Variants in OR2G6 observed in about 807,000 individuals in gnomAD.
The protein encoded by OR2G6 is olfactory receptor 2G6.
For synonymous variants in OR2G6, 183 were observed against 155.2 expected, an observed-to-expected ratio of 1.18 and a Z score of -1.33; for missense variants, 457 against 391.3, an observed-to-expected ratio of 1.17 and a Z score of -1.42.
intron 1 of OR2G6, among the ~76,000 whole-genome samples, chr1:248,519,514 G>A (rs1407892400): frequency 6.6e-6 from 1 of 151,896 alleles, no homozygotes; most frequent in Non-Finnish European, 1.5e-5. Context: ...TTTATAAGAT[G>A]TAAGGAAGAA....
chr1:248,519,551 C>G (rs996246058), intron 1 of OR2G6, among the ~76,000 whole-genome samples: 1 of 152,006 alleles, frequency 6.6e-6, no homozygotes, highest in African/African-American at 2.4e-5. Flanking sequence ...CTGCATATGG[C>G]TAGCCAGTTT....
At chr1:248,520,388 G>T (rs1424297833) in intron 1 of OR2G6, among the ~76,000 whole-genome samples, 4 of 151,986 alleles carry the variant, frequency 2.6e-5, no homozygotes, top group African/African-American at 9.7e-5. Context: ...TAACGTGCAC[G>T]TTCTGCACAT....
In OR2G6 at chr1:248,525,478, A is replaced by G. The variant is rs943156363; in HGVS notation, c.*2881A>G. 1.3e-5 allele frequency: 2 copies of G among 151,762 alleles called. No homozygotes were observed. Among genetic ancestry groups the G allele is most frequent in the Non-Finnish European group, 2.9e-5 (2 of 68,024 alleles). The allele number at this position is 151,762 out of a possible 1,614,324, so 9.4% of individuals were successfully genotyped here. On this transcript the variant is annotated 3_prime_UTR_variant, in exon 2 of 2. Coordinates refer to ENST00000641804, the MANE Select transcript of OR2G6 (RefSeq NM_001013355.2). ...TTTTAAGAAAAAATAAAATGATTTT[A>G]CATAACAAATATTAATGAATTCATG...
rs1664292901 is a variant in OR2G6, at chr1:248,521,819, C to T, written c.173C>T (p.Pro58Leu). 4 of 1,614,042 alleles carry T rather than the reference C, an allele frequency of 2.5e-6. No individual in the cohort carries two copies. The highest frequency in any genetic ancestry group is 3.4e-6 in the Non-Finnish European group (4 of 1,180,038). ...TGTCTGGACTCCAGACTCCACACTC[C>T]AATGTACTTCTTCCTCAGCAACCTC... ...VCCLDSRLHT[P>L]MYFFLSNLSC... Residue 58 changes from proline to leucine, a missense_variant, in exon 2 of 2, where the codon CCA (proline) becomes CTA (leucine). Physicochemically the swap from Pro to Leu is moderately conservative, Grantham distance 98 (BLOSUM62 -3). Transcript: ENST00000641804.
In OR2G6 at chr1:248,522,462, GT is replaced by G; in HGVS notation, c.819del (p.Phe273LeufsTer8). On this transcript the variant is annotated frameshift_variant, in exon 2 of 2. Coordinates refer to ENST00000641804, the MANE Select transcript of OR2G6 (RefSeq NM_001013355.2). LOFTEE classifies it low-confidence loss of function (END_TRUNC). ...ATAGGAGATCCAAAAACCAGGGAAA[GT>G]TTGTTTCTCTTTTCTATACCATAGT... ...ANRRSKNQGK[F>X]VSLFYTIVTP... 2 of 1,613,680 alleles carry G rather than the reference GT, an allele frequency of 1.2e-6. No individual in the cohort carries two copies. The highest frequency in any genetic ancestry group is 1.1e-5 in the South Asian group (1 of 91,068).
At position 248,522,804 on chromosome 1, in the gene OR2G6, A is replaced by ACCC. The variant is rs200155573; in HGVS notation, c.*207_*208insCCC. ...CCCAAAGCCACAGGGACTAGGAAGC[A>ACCC]TTGGAATTCTAAAGAAGAGAAACAC... On this transcript the variant is annotated 3_prime_UTR_variant, in exon 2 of 2. Coordinates refer to ENST00000641804, the MANE Select transcript of OR2G6 (RefSeq NM_001013355.2). The ACCC allele has an allele frequency of 1.9e-6, 1 of 531,216 alleles. No individual in the cohort carries two copies. The highest frequency in any genetic ancestry group is 1.9e-5 in the African/African-American group (1 of 51,532). The allele number at this position is 531,216 out of a possible 1,614,324, so 32.9% of individuals were successfully genotyped here. A position where few individuals can be genotyped will look rare whatever the true frequency, so the allele number is the denominator to read the frequency against.
In OR2G6 at chr1:248,521,645, A is replaced by G. The variant is rs775413703; in HGVS notation, c.-2A>G. The G allele has an allele frequency of 6.2e-7, 1 of 1,608,928 alleles. No individual in the cohort carries two copies. Among genetic ancestry groups the G allele is most frequent in the Admixed American group, 1.7e-5 (1 of 59,422 alleles). ...CTGAAGAGTCCTGAAGCTGCAGGAA[A>G]AATGGAGGAAACCAACAACAGCTCT... On this transcript the variant is annotated 5_prime_UTR_variant, in exon 2 of 2. Coordinates refer to ENST00000641804, the MANE Select transcript of OR2G6 (RefSeq NM_001013355.2).
intron 1 of OR2G6, among the ~76,000 whole-genome samples, chr1:248,520,835 C>T (rs1278653371): frequency 7.0e-6 from 1 of 143,664 alleles, no homozygotes; most frequent in Non-Finnish European, 1.5e-5. Context: ...ATGGTGAAAC[C>T]CCCATCTCTA....
Position 248,522,883 on chromosome 1 carries a change from A to C in OR2G6, c.*286A>C. The C allele has an allele frequency of 5.7e-6, 2 of 352,104 alleles. No individual in the cohort carries two copies. The highest frequency in any genetic ancestry group is 1.0e-5 in the Non-Finnish European group (2 of 195,542). 21.8% of individuals were successfully genotyped at this position (352,104 alleles called of 1,614,324 possible). A position where few individuals can be genotyped will look rare whatever the true frequency, so the allele number is the denominator to read the frequency against. ...CAGACATTCCTCTTGTCAATCCAAGACCCTGTGTTCTATCTGGAAAAAAAT... is the reference window on the plus strand; with the variant it reads ...CAGACATTCCTCTTGTCAATCCAAGCCCCTGTGTTCTATCTGGAAAAAAAT... On this transcript the variant is annotated 3_prime_UTR_variant, in exon 2 of 2. Transcript: ENST00000641804.
chr1:248,522,058 C>T lies in OR2G6; in HGVS notation c.412C>T (p.Pro138Ser), dbSNP rs1237047288. 6.2e-7 allele frequency: 1 copy of T among 1,614,158 alleles called. No homozygotes were observed. The highest frequency in any genetic ancestry group is 2.2e-5 in the East Asian group (1 of 44,874). Residue 138 changes from proline (P) to serine (S), a missense_variant, in exon 2 of 2, where the codon CCC (proline) becomes TCC (serine). Physicochemically the swap from Pro to Ser is moderately conservative, Grantham distance 74. Transcript: ENST00000641804. ...ACTGCGCTACATAGCCATTATGCACCCCAGGTTCTGTGCGTCTCTGGCCGG... is the reference window on the plus strand; with the variant it reads ...ACTGCGCTACATAGCCATTATGCACTCCAGGTTCTGTGCGTCTCTGGCCGG... ...RPLRYIAIMH[P>S]RFCASLAGGA...
In OR2G6 at chr1:248,523,202, C is replaced by T. The variant is rs1558373111; in HGVS notation, c.*605C>T. 6.6e-6 allele frequency: 1 copy of T among 152,268 alleles called. No homozygotes were observed. The highest frequency in any genetic ancestry group is 1.9e-4 in the East Asian group (1 of 5,184). 9.4% of individuals were successfully genotyped at this position (152,268 alleles called of 1,614,324 possible). A position where few individuals can be genotyped will look rare whatever the true frequency, so the allele number is the denominator to read the frequency against. Reference sequence around the variant, plus strand: ...ATGTATATAACAGACTGAAAAAATACATGACCATTTTCCCAGAATATGTCA... The same window carrying T: ...ATGTATATAACAGACTGAAAAAATATATGACCATTTTCCCAGAATATGTCA... On this transcript the variant is annotated 3_prime_UTR_variant, in exon 2 of 2. Coordinates refer to ENST00000641804, the MANE Select transcript of OR2G6 (RefSeq NM_001013355.2).
intron 1 of OR2G6, among the ~76,000 whole-genome samples, chr1:248,520,063 G>C (rs1456001598): frequency 1.3e-5 from 2 of 152,124 alleles, no homozygotes; most frequent in African/African-American, 2.4e-5. Context: ...AGAAAGTGTG[G>C]CACATATACA....
chr1:248,522,493 C>CCA lies in OR2G6; in HGVS notation c.849_850dup (p.Leu284HisfsTer3). 1.2e-6 allele frequency: 2 copies of CCA among 1,613,750 alleles called. No individual in the cohort carries two copies. The highest frequency in any genetic ancestry group is 1.7e-6 in the Non-Finnish European group (2 of 1,179,934). ...TTCTCTTTTCTATACCATAGTCACCCCACTTTTAAACCCCATTATCTACAC... is the reference window on the plus strand; with the variant it reads ...TTCTCTTTTCTATACCATAGTCACCCCACACTTTTAAACCCCATTATCTACAC... On this transcript the variant is annotated frameshift_variant, in exon 2 of 2. Transcript: ENST00000641804. LOFTEE classifies it low-confidence loss of function (END_TRUNC).
At chr1:248,520,873 AAT>A (rs768316696) in intron 1 of OR2G6, among the ~76,000 whole-genome samples, 131 of 133,364 alleles carry the variant, frequency 9.8e-4, no homozygotes, top group Admixed American at 1.4e-3. Flanking sequence ...TATATATAAA[AAT>A]ATATATATAT....
Position 248,520,854 on chromosome 1 carries a change from AAATATATATATATATAAAAAT to A in OR2G6, c.-36-755_-36-735del, listed in dbSNP as rs755360410. On this transcript the variant is annotated intron_variant, in intron 1 of 1. Transcript: ENST00000641804. ...TGAAACCCCCATCTCTACTAAAAAA[AAATATATATATATATAAAAAT>A]ATATATATATACACACAAAAATTAG... Among the ~76,000 whole-genome samples, 466 of 145,808 alleles carry A rather than the reference AAATATATATATATATAAAAAT, an allele frequency of 3.2e-3. 4 individuals are homozygous for A. Among genetic ancestry groups the A allele is most frequent in the African/African-American group, 0.012 (444 of 38,588 alleles).
At position 248,521,737 on chromosome 1, in the gene OR2G6, A is replaced by ATTTTGTACTTCTACGTC. The variant is rs1664288506; in HGVS notation, c.94_110dup (p.Leu37PhefsTer7). ...GCTAGAGAGGTTTCTTTTTGCCATC[A>ATTTTGTACTTCTACGTC]TTTTGTACTTCTACGTCTTGAGCCT... On this transcript the variant is annotated frameshift_variant, in exon 2 of 2. Transcript: ENST00000641804. LOFTEE classifies it low-confidence loss of function (END_TRUNC). The ATTTTGTACTTCTACGTC allele has an allele frequency of 6.2e-7, 1 of 1,613,972 alleles. No homozygotes were observed. The highest frequency in any genetic ancestry group is 1.3e-5 in the African/African-American group (1 of 74,906).
In OR2G6 at chr1:248,521,969, G is replaced by T. The variant is rs745330918; in HGVS notation, c.323G>T (p.Gly108Val). 1.4e-5 allele frequency: 22 copies of T among 1,614,016 alleles called. No homozygotes were observed. Among genetic ancestry groups the T allele is most frequent in the South Asian group, 2.2e-5 (2 of 91,074 alleles). Residue 108 changes from glycine to valine, a missense_variant, in exon 2 of 2, where the codon GGC (glycine) becomes GTC (valine). Physicochemically the swap from Gly to Val is moderately radical, Grantham distance 109. Coordinates refer to ENST00000641804, the MANE Select transcript of OR2G6 (RefSeq NM_001013355.2). ...CAGCTCTATGTGGCCATGGGGTTGG[G>T]CTCGTCTGAGTGTATTCTCTTGGCC... is the stretch of plus-strand genomic sequence containing the variant. The part of the protein sequence containing the change: ...VAQLYVAMGL[G>V]SSECILLAVM...
rs1050137894 is a variant in OR2G6, at chr1:248,522,922, C to A, written c.*325C>A. 1.5e-4 allele frequency: 36 copies of A among 241,532 alleles called. No individual in the cohort carries two copies. The highest frequency in any genetic ancestry group is 8.1e-4 in the African/African-American group (36 of 44,358). The allele number at this position is 241,532 out of a possible 1,614,324, so 15.0% of individuals were successfully genotyped here. A position where few individuals can be genotyped will look rare whatever the true frequency, so the allele number is the denominator to read the frequency against. On this transcript the variant is annotated 3_prime_UTR_variant, in exon 2 of 2. Transcript: ENST00000641804. ...CTGGAAAAAAATGTTTGTCCTTCAT[C>A]CACCTGCCATCAAGGTTCATGTATC...
Position 248,526,655 on chromosome 1 carries a change from C to A in OR2G6, c.*4058C>A, listed in dbSNP as rs1214328904. 1.3e-5 allele frequency: 2 copies of A among 152,118 alleles called. No homozygotes were observed. Among genetic ancestry groups the A allele is most frequent in the African/African-American group, 4.8e-5 (2 of 41,438 alleles). 9.4% of individuals were successfully genotyped at this position (152,118 alleles called of 1,614,324 possible). On this transcript the variant is annotated 3_prime_UTR_variant, in exon 2 of 2. Transcript: ENST00000641804. ...GCCCAGAGCTCTCTGTTCACCATAA[C>A]CTGATCTCAGTAGTAACTATTTAAT...
Sources: gnomAD v4.1 joint callset for allele counts (sites outside exome capture counted in the v4.1 genomes callset) on GRCh38, gnomAD v4.1.1 for gene constraint, MANE v1.5 for transcripts, NCBI Gene and HGNC (gene_info 2026-07-23, HGNC 2026-07-21) for gene names.